Variants in ZPLD1 observed in about 807,000 individuals in gnomAD.
ZPLD1 encodes the protein zona pellucida-like domain-containing protein 1.
Under a neutral mutation model 47.2 loss-of-function variants are expected in ZPLD1, and 34 were observed. The observed-to-expected ratio is 0.72, with a 90% confidence interval of 0.55 to 0.96. ZPLD1 has a LOEUF of 0.96. Among genes scored for constraint, ZPLD1 ranks in the 40% least tolerant of loss-of-function variants. The pLI is 0.00. For synonymous variants in ZPLD1, 176 were observed against 186.2 expected (o/e 0.95, Z 0.45); for missense variants, 512 against 505.8 (o/e 1.01, Z -0.12).
chr3:102,389,681 G>A (rs1356704118), intron 6 of ZPLD1, among the ~76,000 whole-genome samples: 4 of 152,254 alleles, frequency 2.6e-5, no homozygotes, highest in East Asian at 1.9e-4. Context: ...CTAGGTTAAC[G>A]TGGTTCATTT....
upstream of ZPLD1, among the ~76,000 whole-genome samples, chr3:102,430,125 C>G (rs1458427569): frequency 6.6e-6 from 1 of 152,208 alleles, no homozygotes; most frequent in Non-Finnish European, 1.5e-5. Flanking sequence ...GAGACAACTT[C>G]TGGCCCTCTC....
rs530650839 is a variant in ZPLD1 at position 102,452,934 on chromosome 3, G to A, written c.122G>A (p.Ser41Asn). ...TTTATTTCAGCTGAAAGAGACATCA[G>A]TGTCTATTGTGGAGTGCAGGCTATT... The part of the protein sequence containing the change: ...HSRFPAERDI[S>N]VYCGVQAITM... Residue 41 changes from serine to asparagine, a missense_variant, in exon 4 of 12, where the codon AGT becomes AAT. Physicochemically the swap from Ser to Asn is conservative, Grantham distance 46 (BLOSUM62 1). Coordinates refer to ENST00000466937, the MANE Select transcript of ZPLD1 (RefSeq NM_001329788.2). 8.7e-6 allele frequency: 14 copies of A among 1,613,988 alleles called. No homozygotes were observed. The highest frequency in any genetic ancestry group is 3.3e-5 in the South Asian group (3 of 91,064).
chr3:102,437,622 T>C (rs1055232022), intron 2 of ZPLD1, among the ~76,000 whole-genome samples: 2 of 152,226 alleles, frequency 1.3e-5, no homozygotes, highest in Non-Finnish European at 2.9e-5. Context: ...AGTTAGGTAT[T>C]CCTGAAAGAT....
chr3:102,438,629 T>A, intron 3 of ZPLD1, 36 bp downstream of exon 3: 1 of 1,495,812 alleles, frequency 6.7e-7, no homozygotes, highest in Non-Finnish European at 9.3e-7. Flanking sequence ...TAGTTGTTTC[T>A]GGAAGAGTGA....
intron 10 of ZPLD1, 118 bp from the exon 11 acceptor site, chr3:102,476,894 G>A: frequency 1.7e-6 from 2 of 1,177,712 alleles, no homozygotes; most frequent in Non-Finnish European, 2.5e-6. Context: ...ATTATGGGTG[G>A]ACGTAAGAGG....
chr3:102,462,850 T>C (rs1193689619), intron 7 of ZPLD1, among the ~76,000 whole-genome samples: 7 of 152,118 alleles, frequency 4.6e-5, no homozygotes, highest in African/African-American at 1.7e-4. Flanking sequence ...TTTCAGATGA[T>C]ACTTAAGAAA....
intron 5 of ZPLD1, 43 bp downstream of exon 5, chr3:102,456,417 G>A: frequency 6.4e-7 from 1 of 1,567,088 alleles, no homozygotes; most frequent in Non-Finnish European, 8.7e-7. Context: ...TTGCATTTTT[G>A]CTTCAGGCAT....
intron 3 of ZPLD1, among the ~76,000 whole-genome samples, chr3:102,450,817 CATAG>C (rs1369906028): frequency 3.3e-5 from 5 of 152,094 alleles, no homozygotes; most frequent in Non-Finnish European, 5.9e-5. Flanking sequence ...AGATATAGTT[CATAG>C]ATACTCATAA....
At chr3:102,400,500 C>G (rs1025748548) in intron 7 of ZPLD1, among the ~76,000 whole-genome samples, 22 of 151,920 alleles carry the variant, frequency 1.4e-4, no homozygotes, top group Non-Finnish European at 2.9e-4. Flanking sequence ...GGTCCCTTTG[C>G]CGAATACCCA....
At chr3:102,474,516 G>A (rs1289790806) in intron 10 of ZPLD1, among the ~76,000 whole-genome samples, 1 of 152,034 alleles carries the variant, frequency 6.6e-6, no homozygotes, top group Non-Finnish European at 1.5e-5. Context: ...ATGAACGAAC[G>A]TAACACTGTG....
chr3:102,472,756 T>C (rs1707704456), intron 10 of ZPLD1, among the ~76,000 whole-genome samples: 1 of 152,204 alleles, frequency 6.6e-6, no homozygotes, highest in African/African-American at 2.4e-5. Flanking sequence ...AAGTGACATT[T>C]CTTCTGTTCA....
Position 102,437,889 on chromosome 3 carries a change from C to T in ZPLD1, c.-8-591C>T, listed in dbSNP as rs111541320. Among the ~76,000 whole-genome samples, 1,230 of 152,306 alleles carry T rather than the reference C, an allele frequency of 8.1e-3. 17 individuals carry two copies. Among genetic ancestry groups the T allele is most frequent in the African/African-American group, 0.028 (1,167 of 41,570 alleles). On this transcript the variant is annotated intron_variant, in intron 2 of 11. Transcript: ENST00000466937. ...CACACAGAGTATTTTCCTGTTCTTC[C>T]TTTTGCTTTATCACTATGTTTCCTA...
At chr3:102,472,830 A>G (rs1261926733) in intron 10 of ZPLD1, among the ~76,000 whole-genome samples, 1 of 152,202 alleles carries the variant, frequency 6.6e-6, no homozygotes, top group Admixed American at 6.5e-5. Context: ...ATGCAAAACT[A>G]AGTATTACAA....
intron 7 of ZPLD1, among the ~76,000 whole-genome samples, chr3:102,417,454 A>G (rs146201448): frequency 2.0e-5 from 3 of 151,982 alleles, no homozygotes; most frequent in African/African-American, 7.2e-5. Context: ...GATGACTTCC[A>G]AATTGGGTCC....
intron 8 of ZPLD1, among the ~76,000 whole-genome samples, chr3:102,466,878 C>T (rs1269638972): frequency 2.0e-5 from 3 of 151,222 alleles, no homozygotes; most frequent in Non-Finnish European, 4.4e-5. Flanking sequence ...GAATTGTCCC[C>T]CCAAAAGCCA....
chr3:102,457,736 C>T (rs867930612), intron 5 of ZPLD1, 45 bp from the exon 6 acceptor site: 1 of 1,571,890 alleles, frequency 6.4e-7, no homozygotes, highest in South Asian at 1.1e-5. Context: ...ATCACTTTTA[C>T]TCTAAAATCT....
Position 102,452,989 on chromosome 3 carries a change from T to G in ZPLD1, c.177T>G (p.Leu59=), listed in dbSNP as rs1269500479. The G allele has an allele frequency of 1.9e-5, 30 of 1,614,016 alleles. No homozygotes were observed. The highest frequency in any genetic ancestry group is 2.4e-5 in the Non-Finnish European group (28 of 1,180,014). The change falls in exon 4 of 12, where the codon CTT becomes CTG. Residue 59 remains leucine (L), a synonymous_variant. Transcript: ENST00000466937. The part of the protein sequence containing the change: ...ITMKINFCTV[L]FSGYSETDLA... ...TGAAGATTAATTTTTGCACGGTACT[T>G]TTCTCGGGTTATTCGGAAACAGATC...
chr3:102,458,325 A>G (rs1429878518), intron 6 of ZPLD1, among the ~76,000 whole-genome samples: 2 of 152,186 alleles, frequency 1.3e-5, no homozygotes, highest in African/African-American at 4.8e-5. Context: ...TCACATCTGA[A>G]ATAATTTGGA....
intron 7 of ZPLD1, among the ~76,000 whole-genome samples, chr3:102,399,612 A>G (rs1706596611): frequency 6.6e-6 from 1 of 152,094 alleles, no homozygotes; most frequent in African/African-American, 2.4e-5. Flanking sequence ...GGATGGGTTA[A>G]CTGCATTAAG....
Sources: gnomAD v4.1 joint callset for allele counts (sites outside exome capture counted in the v4.1 genomes callset) on GRCh38, gnomAD v4.1.1 for gene constraint, MANE v1.5 for transcripts, NCBI Gene and HGNC (gene_info 2026-07-23, HGNC 2026-07-21) for gene names.